Variants in WDR49 observed in about 807,000 individuals in gnomAD.
WDR49 encodes the protein WD repeat domain 49, also known as cilia- and flagella-associated protein 337.
WDR49 carries 107 observed loss-of-function variants against 119.5 expected under a neutral mutation model. That is an observed-to-expected ratio of 0.90 (90% confidence interval 0.77 to 1.05). The LOEUF (loss-of-function observed/expected upper bound fraction) is 1.05, where lower values mean the gene tolerates loss of function less well. Among genes scored for constraint, WDR49 ranks in the 50% least tolerant of loss-of-function variants. The pLI is 0.00. For synonymous variants in WDR49, 425 were observed against 418.8 expected (o/e 1.01, Z -0.18); for missense variants, 1,240 against 1,220.5 (o/e 1.02, Z -0.24).
intron 18 of WDR49, among the ~76,000 whole-genome samples, chr3:167,497,013 T>C (rs1751380686): frequency 6.6e-6 from 1 of 152,218 alleles, no homozygotes; most frequent in African/African-American, 2.4e-5. Flanking sequence ...TTCCTCAACC[T>C]TGATATGTCC....
chr3:167,576,707 T>C (rs1198512448), intron 7 of WDR49, among the ~76,000 whole-genome samples: 1 of 152,076 alleles, frequency 6.6e-6, no homozygotes, highest in Non-Finnish European at 1.5e-5. Context: ...AAGGAATGGT[T>C]TCTCCCCCAG....
intron 2 of WDR49, among the ~76,000 whole-genome samples, chr3:167,637,863 C>A (rs1717695916): frequency 1.3e-5 from 2 of 151,466 alleles, no homozygotes; most frequent in Admixed American, 1.3e-4. Flanking sequence ...TTGCTGAATT[C>A]TTTTATCAGT....
intron 16 of WDR49, among the ~76,000 whole-genome samples, chr3:167,514,240 T>G (rs1358964880): frequency 1.3e-5 from 2 of 152,022 alleles, no homozygotes; most frequent in African/African-American, 2.4e-5. Context: ...GCAAAAGAAC[T>G]GAAATCATAA....
intron 7 of WDR49, among the ~76,000 whole-genome samples, chr3:167,592,487 T>G (rs1577261028): frequency 6.7e-6 from 1 of 149,486 alleles, no homozygotes. Context: ...CAAGCTGGAG[T>G]GCAATAGCAC....
intron 3 of WDR49, among the ~76,000 whole-genome samples, chr3:167,626,195 G>T (rs1313159667): frequency 6.6e-6 from 1 of 151,946 alleles, no homozygotes; most frequent in Non-Finnish European, 1.5e-5. Flanking sequence ...TGATGTTTTT[G>T]ATCTTAAGGG....
intron 2 of WDR49, among the ~76,000 whole-genome samples, chr3:167,644,083 T>C (rs1156473169): frequency 6.6e-6 from 1 of 150,952 alleles, no homozygotes; most frequent in African/African-American, 2.4e-5. Context: ...TGGATTTCTC[T>C]TCATCACCTG....
chr3:167,621,783 C>A (rs1304244182), intron 3 of WDR49, 140 bp from the exon 4 acceptor site: 2 of 802,982 alleles, frequency 2.5e-6, no homozygotes, highest in Admixed American at 3.1e-5. Flanking sequence ...AAGTTAAGAA[C>A]AGCGGCACAA....
At chr3:167,573,391 T>TAC (rs57955643) in intron 8 of WDR49, among the ~76,000 whole-genome samples, 24,583 of 142,206 alleles carry the variant, frequency 0.17, 2,031 homozygotes, top group South Asian at 0.23. Flanking sequence ...TTATGTGGAA[T>TAC]ACACACACAC....
chr3:167,558,982 T>A (rs888785907), intron 9 of WDR49, among the ~76,000 whole-genome samples: 1 of 152,184 alleles, frequency 6.6e-6, no homozygotes, highest in African/African-American at 2.4e-5. Context: ...CCTTCACACA[T>A]CTTATCAGCT....
chr3:167,591,461 T>C (rs559778754), intron 7 of WDR49, among the ~76,000 whole-genome samples: 1 of 152,200 alleles, frequency 6.6e-6, no homozygotes, highest in Non-Finnish European at 1.5e-5. Context: ...CTTTGTTGAT[T>C]TTCTGTCTGG....
intron 8 of WDR49, chr3:167,566,922 AC>A: frequency 1.5e-6 from 1 of 657,434 alleles, no homozygotes; most frequent in Non-Finnish European, 2.8e-6. Flanking sequence ...AAAGGGTTGG[AC>A]TTACTGTCTC....
chr3:167,653,595 T>C, intron 1 of WDR49, 96 bp from the exon 2 acceptor site: 1 of 726,352 alleles, frequency 1.4e-6, no homozygotes, highest in South Asian at 2.8e-5. Flanking sequence ...CAAGCTGAGG[T>C]AGGAAATGAA....
intron 5 of WDR49, among the ~76,000 whole-genome samples, chr3:167,613,289 T>C (rs1250264439): frequency 1.3e-5 from 2 of 152,230 alleles, no homozygotes; most frequent in Non-Finnish European, 2.9e-5. Context: ...AAAATAATAA[T>C]GCAATTAATT....
Position 167,653,318 on chromosome 3 carries a change from G to C in WDR49, c.108C>G (p.Gly36=). 5.2e-6 allele frequency: 8 copies of C among 1,536,118 alleles called. No individual in the cohort carries two copies. Among genetic ancestry groups the C allele is most frequent in the African/African-American group, 1.4e-5 (1 of 73,122 alleles). Residue 36 remains glycine (G), a synonymous_variant, in exon 2 of 19, where the codon GGC becomes GGG. Transcript: ENST00000682715. ...GVTAFEDYGT[G]LLENQLSVGD... ...CCACGCTGAGTTGGTTTTCAAGCAG[G>C]CCTGTGCCATAGTCTTCAAATGCAG...
chr3:167,484,023 A>G (rs1362182073), intron 18 of WDR49, among the ~76,000 whole-genome samples: 6 of 152,208 alleles, frequency 3.9e-5, no homozygotes, highest in African/African-American at 1.2e-4. Flanking sequence ...AGTAGATCAT[A>G]ATACATGTAA....
At chr3:167,552,322 T>G (rs780008777) in intron 10 of WDR49, among the ~76,000 whole-genome samples, 16 of 151,948 alleles carry the variant, frequency 1.1e-4, no homozygotes, top group Non-Finnish European at 1.6e-4. Context: ...ATTTAAGAAG[T>G]GAGAGGTGGG....
chr3:167,614,821 G>A (rs963882963), intron 5 of WDR49, among the ~76,000 whole-genome samples: 5 of 152,054 alleles, frequency 3.3e-5, no homozygotes, highest in East Asian at 1.9e-4. Flanking sequence ...ACACTGAGAC[G>A]AAAATCACCA....
intron 10 of WDR49, among the ~76,000 whole-genome samples, chr3:167,543,161 CA>C (rs529819569): frequency 5.3e-5 from 8 of 151,418 alleles, no homozygotes; most frequent in African/African-American, 1.7e-4. Context: ...AAAATGCCAA[CA>C]AAAAAAGTCC....
At chr3:167,513,670 G>A (rs1577208733) in intron 16 of WDR49, among the ~76,000 whole-genome samples, 1 of 151,960 alleles carries the variant, frequency 6.6e-6, no homozygotes, top group African/African-American at 2.4e-5. Flanking sequence ...AATGGCAAAT[G>A]GCATAAAGAG....
Sources: gnomAD v4.1 joint callset for allele counts (sites outside exome capture counted in the v4.1 genomes callset) on GRCh38, gnomAD v4.1.1 for gene constraint, MANE v1.5 for transcripts, NCBI Gene and HGNC (gene_info 2026-07-23, HGNC 2026-07-21) for gene names.